SUSD1: variants seen among roughly 807,000 people sequenced by gnomAD.
SUSD1 encodes sushi domain containing 1.
Under a neutral mutation model 86.9 loss-of-function variants are expected in SUSD1, and 65 were observed. That is an observed-to-expected ratio of 0.75 (90% CI 0.61 to 0.92). SUSD1 has a LOEUF of 0.92. Among genes scored for constraint, SUSD1 ranks in the 40% least tolerant of loss-of-function variants. SUSD1 has a pLI of 0.00. For synonymous variants in SUSD1, 346 were observed against 350.0 expected, an observed-to-expected ratio of 0.99 and a Z score of 0.13; for missense variants, 850 against 929.7, an observed-to-expected ratio of 0.91 and a Z score of 1.11.
chr9:112,152,718 T>C (rs1371664649), intron 2 of SUSD1, among the ~76,000 whole-genome samples: 1 of 150,702 alleles, frequency 6.6e-6, no homozygotes, highest in Non-Finnish European at 1.5e-5. Flanking sequence ...TCCAGCCTTT[T>C]ATTAGCTTTT....
chr9:112,098,901 G>A (rs1589652707), intron 9 of SUSD1, among the ~76,000 whole-genome samples: 1 of 152,268 alleles, frequency 6.6e-6, no homozygotes, highest in East Asian at 1.9e-4. Flanking sequence ...CTCAGATGAA[G>A]AAAATATTAG....
chr9:112,076,959 G>A (rs565683209), intron 12 of SUSD1, among the ~76,000 whole-genome samples: 1 of 152,304 alleles, frequency 6.6e-6, no homozygotes, highest in East Asian at 1.9e-4. Context: ...TGTTTCCCAC[G>A]TGGGATGAGT....
rs148734138 is a variant in SUSD1 at position 112,093,184 on chromosome 9, C to T, written c.1474+5286G>A. On this transcript the variant is annotated intron_variant, in intron 10 of 16. Coordinates refer to ENST00000374270, the MANE Select transcript of SUSD1 (RefSeq NM_022486.5). The stretch of plus-strand genomic sequence containing the variant: ...TCCATAAGGGAAAAGGCAATTTTGG[C>T]TTCTCCCTATTCCCTATATGTTAAT... 8.5e-5 allele frequency among the ~76,000 whole-genome samples: 13 copies of T among 152,270 alleles called. No individual in the cohort carries two copies. The East Asian group carries it at 2.5e-3, about 29-fold the overall frequency.
intron 6 of SUSD1, among the ~76,000 whole-genome samples, chr9:112,114,583 T>A (rs1831235399): frequency 6.6e-6 from 1 of 152,186 alleles, no homozygotes; most frequent in Admixed American, 6.5e-5. Flanking sequence ...AAAAGGGATA[T>A]TCCACAGCCC....
chr9:112,142,520 A>G, intron 4 of SUSD1, 21 bp from the exon 5 acceptor site: 1 of 1,603,624 alleles, frequency 6.2e-7, no homozygotes, highest in South Asian at 1.1e-5. Flanking sequence ...ATTAATGTCA[A>G]ATTCATTACC....
chr9:112,042,679 A>C (rs116740396), intron 15 of SUSD1, among the ~76,000 whole-genome samples: 2,462 of 152,294 alleles, frequency 0.016, 68 homozygotes, highest in African/African-American at 0.056. Flanking sequence ...CTTACTTAGC[A>C]CTTACTATGT....
chr9:112,127,985 T>C (rs1384914054), intron 5 of SUSD1, among the ~76,000 whole-genome samples: 1 of 151,886 alleles, frequency 6.6e-6, no homozygotes, highest in Admixed American at 6.6e-5. Context: ...CAGTTTTTTG[T>C]AGAGACGGGG....
chr9:112,108,997 A>G (rs1450703788), intron 8 of SUSD1, among the ~76,000 whole-genome samples: 3 of 152,156 alleles, frequency 2.0e-5, no homozygotes, highest in Non-Finnish European at 1.5e-5. Context: ...CAAACTTAGG[A>G]GTCAGAATAA....
intron 5 of SUSD1, among the ~76,000 whole-genome samples, chr9:112,125,411 C>CTAA (rs1831732162): frequency 6.6e-6 from 1 of 152,070 alleles, no homozygotes; most frequent in African/African-American, 2.4e-5. Flanking sequence ...GTAAAGCATA[C>CTAA]TAATGTTTCA....
chr9:112,119,532 G>T (rs1831465329), intron 6 of SUSD1, among the ~76,000 whole-genome samples: 1 of 152,184 alleles, frequency 6.6e-6, no homozygotes, highest in South Asian at 2.1e-4. Flanking sequence ...TTCCAGCAGA[G>T]ATGTTACCCT....
Position 112,058,502 on chromosome 9 carries a change from C to A in SUSD1, c.2035G>T (p.Glu679Ter). Residue 679 changes from glutamate (E) to a stop codon, truncating the protein, a stop_gained, in exon 14 of 17, where the codon GAA becomes TAA. Transcript: ENST00000374270. LOFTEE classifies it high-confidence loss of function. ...IPIGDRLYYG[E>*]YYNAPLKRGS... ...CTTTTCAAGGGTGCATTATAATATT[C>A]CCCATAGTACAGCCTGTCTCCTATA... 6.2e-7 allele frequency: 1 copy of A among 1,614,140 alleles called. No individual in the cohort carries two copies. The highest frequency in any genetic ancestry group is 8.5e-7 in the Non-Finnish European group (1 of 1,180,002).
rs901422972 is a variant in SUSD1, at chr9:112,077,631, A to C, written c.1753+907T>G. Among the ~76,000 whole-genome samples the C allele has an allele frequency of 2.0e-5, 3 of 147,318 alleles. No homozygotes were observed. The Admixed American group carries it at 2.1e-4, about 10-fold the overall frequency. ...GCAATTCTCCTGCCTCAGCCTCCCGAGTAGCTGGGATTACAGGCACCTGAC... is the reference window on the plus strand; with the variant it reads ...GCAATTCTCCTGCCTCAGCCTCCCGCGTAGCTGGGATTACAGGCACCTGAC... On this transcript the variant is annotated intron_variant, in intron 12 of 16. Transcript: ENST00000374270.
At chr9:112,153,231 C>A (rs957241727) in intron 2 of SUSD1, among the ~76,000 whole-genome samples, 5 of 151,566 alleles carry the variant, frequency 3.3e-5, no homozygotes, top group Non-Finnish European at 1.5e-5. Context: ...CACACCACTG[C>A]ACTCCAACAC....
rs936700435 is a variant in SUSD1 at position 112,062,986 on chromosome 9, G to A, written c.1801C>T (p.Leu601=). 1 of 1,613,762 alleles carries A rather than the reference G, an allele frequency of 6.2e-7. No individual in the cohort carries two copies. Among genetic ancestry groups the A allele is most frequent in the Middle Eastern group, 1.7e-4 (1 of 6,060 alleles). ...VEFFTVHRGP[L]PRLRLRKAKE... is the part of the protein sequence containing the mutation. Reference sequence around the variant, plus strand: ...GCTTTCCTCAGTCTGAGGCGTGGTAGAGGTCCTCTGTGCACCGTAAAAAAT... The same window carrying A: ...GCTTTCCTCAGTCTGAGGCGTGGTAAAGGTCCTCTGTGCACCGTAAAAAAT... Residue 601 remains leucine (L), a synonymous_variant, in exon 13 of 17, where the codon CTA becomes TTA. Coordinates refer to ENST00000374270, the MANE Select transcript of SUSD1 (RefSeq NM_022486.5).
chr9:112,127,026 T>A (rs1831802959), intron 5 of SUSD1, among the ~76,000 whole-genome samples: 1 of 152,160 alleles, frequency 6.6e-6, no homozygotes, highest in African/African-American at 2.4e-5. Flanking sequence ...AATTGTGGGA[T>A]GGCCAGGAGT....
intron 10 of SUSD1, among the ~76,000 whole-genome samples, chr9:112,092,865 C>G (rs1830256908): frequency 6.6e-6 from 1 of 151,958 alleles, no homozygotes. Flanking sequence ...AGAAGAAAGG[C>G]AACATAAATA....
chr9:112,171,574 G>A (rs952813341), intron 1 of SUSD1, among the ~76,000 whole-genome samples: 6 of 152,118 alleles, frequency 3.9e-5, no homozygotes, highest in African/African-American at 1.4e-4. Flanking sequence ...GGAGGAGTGA[G>A]GACACCCAGG....
At chr9:112,170,704 T>TAGAGAG (rs1260226965) in intron 1 of SUSD1, among the ~76,000 whole-genome samples, 6 of 91,404 alleles carry the variant, frequency 6.6e-5, no homozygotes, top group African/African-American at 3.3e-4. Flanking sequence ...TATATATATA[T>TAGAGAG]ATATATAGAG....
chr9:112,051,045 G>A (rs1327571615), intron 15 of SUSD1, among the ~76,000 whole-genome samples: 1 of 152,192 alleles, frequency 6.6e-6, no homozygotes, highest in African/African-American at 2.4e-5. Context: ...CCAGGGCAGG[G>A]GATGCTTGCT....
Sources: gnomAD v4.1 joint callset for allele counts (sites outside exome capture counted in the v4.1 genomes callset) on GRCh38, gnomAD v4.1.1 for gene constraint, MANE v1.5 for transcripts, NCBI Gene and HGNC (gene_info 2026-07-23, HGNC 2026-07-21) for gene names.